SETBP1: variants seen among roughly 807,000 people sequenced by gnomAD.
SETBP1 encodes SET binding protein 1.
SETBP1 carries 9 observed loss-of-function variants against 101.0 expected under a neutral mutation model. That is an observed-to-expected ratio of 0.09 (90% CI 0.05 to 0.16). The LOEUF (loss-of-function observed/expected upper bound fraction) is 0.16, where lower values mean the gene tolerates loss of function less well. SETBP1 is among the 10% of genes least tolerant of loss of function. The pLI, the probability that SETBP1 is intolerant of heterozygous loss-of-function variation, is 1.00. For missense variants in SETBP1, 1,858 were observed against 2,033.8 expected (o/e 0.91, Z 1.66); for synonymous variants, 818 against 788.5 (o/e 1.04, Z -0.63).
intron 4 of SETBP1, among the ~76,000 whole-genome samples, chr18:44,979,147 A>G (rs186520054): frequency 1.3e-5 from 2 of 152,326 alleles, no homozygotes; most frequent in Admixed American, 6.5e-5. Context: ...TGCTACCACA[A>G]CACCATGAGA....
At chr18:44,947,833 C>G (rs1445363691) in intron 3 of SETBP1, among the ~76,000 whole-genome samples, 1 of 152,146 alleles carries the variant, frequency 6.6e-6, no homozygotes, top group Non-Finnish European at 1.5e-5. Flanking sequence ...ATAATCACCC[C>G]CACTAACCTT....
intron 2 of SETBP1, among the ~76,000 whole-genome samples, chr18:44,731,547 G>A (rs1214335623): frequency 6.6e-6 from 1 of 151,994 alleles, no homozygotes; most frequent in Non-Finnish European, 1.5e-5. Context: ...AAAAATGTTG[G>A]TCATGATAGT....
chr18:45,012,786 C>G (rs962613319), intron 4 of SETBP1, among the ~76,000 whole-genome samples: 1 of 152,092 alleles, frequency 6.6e-6, no homozygotes, highest in African/African-American at 2.4e-5. Flanking sequence ...TGCCTGTTCT[C>G]TATGATAAAC....
chr18:44,912,504 T>C (rs1466432444), intron 3 of SETBP1, among the ~76,000 whole-genome samples: 1 of 152,172 alleles, frequency 6.6e-6, no homozygotes, highest in Non-Finnish European at 1.5e-5. Flanking sequence ...TGTTTGTTTT[T>C]GTTTTTTTTG....
intron 3 of SETBP1, among the ~76,000 whole-genome samples, chr18:44,885,537 G>T (rs2069622044): frequency 6.6e-6 from 1 of 151,944 alleles, no homozygotes; most frequent in African/African-American, 2.4e-5. Context: ...CCACTTTTTG[G>T]TAACACATGA....
chr18:44,744,787 A>AC (rs1234286625), intron 2 of SETBP1, among the ~76,000 whole-genome samples: 3 of 151,284 alleles, frequency 2.0e-5, no homozygotes, highest in Non-Finnish European at 3.0e-5. Flanking sequence ...AAAAAACAAA[A>AC]AAAAAAACGC....
chr18:45,061,497 A>T (rs1395374906), intron 5 of SETBP1, among the ~76,000 whole-genome samples: 1 of 152,196 alleles, frequency 6.6e-6, no homozygotes, highest in African/African-American at 2.4e-5. Flanking sequence ...TATTTTAAAG[A>T]TCATTCAGTA....
chr18:44,921,825 G>T (rs2070588196), intron 3 of SETBP1, among the ~76,000 whole-genome samples: 1 of 152,072 alleles, frequency 6.6e-6, no homozygotes, highest in Non-Finnish European at 1.5e-5. Context: ...GAAGGAGGGG[G>T]CATCAGAGAT....
chr18:44,706,815 A>G (rs949292603), intron 2 of SETBP1, among the ~76,000 whole-genome samples: 2 of 152,064 alleles, frequency 1.3e-5, no homozygotes, highest in South Asian at 2.1e-4. Flanking sequence ...TCTGACACCA[A>G]GCAGCTTTGT....
In SETBP1 at chr18:44,874,192, T is replaced by C. The variant is rs541175009; in HGVS notation, c.540+4909T>C. On this transcript the variant is annotated intron_variant, in intron 3 of 5. Coordinates refer to ENST00000649279, the MANE Select transcript of SETBP1 (RefSeq NM_015559.3). ...CTTATCTAACAAATAAGGGCTTTTA[T>C]AGAACAATCACAATGCCATTATCAC... 2.2e-4 allele frequency among the ~76,000 whole-genome samples: 34 copies of C among 152,376 alleles called. 1 individual carries two copies. The highest frequency in any genetic ancestry group is 1.6e-3 in the Admixed American group (24 of 15,308).
At chr18:45,026,004 A>G (rs1270665845) in intron 4 of SETBP1, among the ~76,000 whole-genome samples, 1 of 152,240 alleles carries the variant, frequency 6.6e-6, no homozygotes, top group Non-Finnish European at 1.5e-5. Context: ...TCAAAATGCA[A>G]ATAAGGTGAC....
At chr18:44,848,185 T>A (rs977489716) in intron 2 of SETBP1, among the ~76,000 whole-genome samples, 2 of 150,884 alleles carry the variant, frequency 1.3e-5, no homozygotes, top group Admixed American at 1.3e-4. Context: ...CAGCAAAGAG[T>A]CAGTGTGGCT....
intron 4 of SETBP1, among the ~76,000 whole-genome samples, chr18:44,981,598 G>C (rs1599406397): frequency 1.3e-5 from 2 of 152,326 alleles, no homozygotes; most frequent in Admixed American, 1.3e-4. Flanking sequence ...TGCAAGAGAA[G>C]AGCATCCAGG....
intron 3 of SETBP1, among the ~76,000 whole-genome samples, chr18:44,885,028 G>C (rs2069608701): frequency 6.6e-6 from 1 of 152,104 alleles, no homozygotes; most frequent in East Asian, 1.9e-4. Flanking sequence ...ACAGTCTTTA[G>C]ATTTTATTTT....
intron 5 of SETBP1, among the ~76,000 whole-genome samples, chr18:45,055,916 C>A (rs537439534): frequency 1.1e-4 from 17 of 152,164 alleles, no homozygotes; most frequent in Non-Finnish European, 2.2e-4. Context: ...ATGGTGGAAA[C>A]ATTTGCAATA....
chr18:44,736,898 G>A (rs1417486927), intron 2 of SETBP1, among the ~76,000 whole-genome samples: 1 of 152,172 alleles, frequency 6.6e-6, no homozygotes, highest in African/African-American at 2.4e-5. Flanking sequence ...TTGTGCCCCA[G>A]GCAAACTTAG....
At chr18:45,060,513 G>C (rs2073874326) in intron 5 of SETBP1, among the ~76,000 whole-genome samples, 1 of 151,902 alleles carries the variant, frequency 6.6e-6, no homozygotes, top group African/African-American at 2.4e-5. Context: ...CCATGACTTA[G>C]CTCCATCTGT....
intron 3 of SETBP1, among the ~76,000 whole-genome samples, chr18:44,942,281 C>G (rs749056026): frequency 6.6e-6 from 1 of 152,134 alleles, no homozygotes; most frequent in Non-Finnish European, 1.5e-5. Flanking sequence ...TTGCCCAATA[C>G]TATATGACCT....
At chr18:44,729,152 C>T (rs940290321) in intron 2 of SETBP1, among the ~76,000 whole-genome samples, 7 of 152,226 alleles carry the variant, frequency 4.6e-5, no homozygotes, top group Non-Finnish European at 7.3e-5. Flanking sequence ...TCTGGCTCTA[C>T]AGTTCACTTT....
Sources: gnomAD v4.1 joint callset for allele counts (sites outside exome capture counted in the v4.1 genomes callset) on GRCh38, gnomAD v4.1.1 for gene constraint, MANE v1.5 for transcripts, NCBI Gene and HGNC (gene_info 2026-07-23, HGNC 2026-07-21) for gene names.